The following TRPM2 variants were observed in gnomAD, a reference collection of about 807,000 sequenced individuals.
TRPM2 encodes estrogen-responsive element-associated gene 1 protein.
A neutral mutation model predicts 174.0 loss-of-function variants in TRPM2; 161 were observed. That is an observed-to-expected ratio of 0.93 (90% CI 0.81 to 1.05). The LOEUF is 1.05. Among genes scored for constraint, TRPM2 ranks in the 50% least tolerant of loss-of-function variants. The pLI is 0.00. For synonymous variants in TRPM2, 954 were observed against 861.3 expected (o/e 1.11, Z -1.88); for missense variants, 2,057 against 2,038.0 (o/e 1.01, Z -0.18).
chr21:44,432,853 T>C lies in TRPM2; in HGVS notation c.3975-2278T>C, dbSNP rs1399895084. Among the ~76,000 whole-genome samples the C allele has an allele frequency of 6.6e-6, 1 of 152,244 alleles. No individual in the cohort carries two copies. The highest frequency in any genetic ancestry group is 1.9e-4 in the East Asian group (1 of 5,204). On this transcript the variant is annotated intron_variant, in intron 27 of 31. Coordinates refer to ENST00000397928, the MANE Select transcript of TRPM2 (RefSeq NM_003307.4). The surrounding 1 kb of genome is among the most constrained non-coding windows in gnomAD (Gnocchi z 4.9). ...GAACGTGTGATTGCTGTAGCCAGAC[T>C]GTCGCTGTTTTTGCGCTTTGGGGTT...
Position 44,401,750 on chromosome 21 carries a change from G to A in TRPM2, c.2391G>A (p.Val797=). ...RARAFFTAPV[V]VFHLNILSYF... ...GTGCCTTCTTCACCGCACCCGTGGT[G>A]GTCTTCCACCTGAACATCCTCTCCT... Residue 797 remains valine, a synonymous_variant, in exon 16 of 32, where the codon GTG becomes GTA. Transcript: ENST00000397928. 6.2e-7 allele frequency: 1 copy of A among 1,613,620 alleles called. No homozygotes were observed. Among genetic ancestry groups the A allele is most frequent in the Non-Finnish European group, 8.5e-7 (1 of 1,179,994 alleles).
At chr21:44,364,977 C>G (rs1303983634) in intron 3 of TRPM2, among the ~76,000 whole-genome samples, 2 of 152,172 alleles carry the variant, frequency 1.3e-5, no homozygotes, top group African/African-American at 2.4e-5. Context: ...TGTTGACCAG[C>G]CTTCTGGAGG....
At position 44,439,910 on chromosome 21, in the gene TRPM2, A is replaced by C. The variant is rs1484755177; in HGVS notation, c.4269+742A>C. On this transcript the variant is annotated intron_variant, in intron 30 of 31. Coordinates refer to ENST00000397928, the MANE Select transcript of TRPM2 (RefSeq NM_003307.4). The surrounding 1 kb of genome is among the most constrained non-coding windows in gnomAD (Gnocchi z 5.1). ...CTAATATTTTGTATTTTTAGTAGAGACAGGGTTTGGCCATGTTGCCCAGGC... is the reference window on the plus strand; with the variant it reads ...CTAATATTTTGTATTTTTAGTAGAGCCAGGGTTTGGCCATGTTGCCCAGGC... Among the ~76,000 whole-genome samples the C allele has an allele frequency of 6.6e-6, 1 of 151,948 alleles. No individual in the cohort carries two copies. The highest frequency in any genetic ancestry group is 1.5e-5 in the Non-Finnish European group (1 of 67,964).
Position 44,432,868 on chromosome 21 carries a change from G to T in TRPM2, c.3975-2263G>T, listed in dbSNP as rs75042726. Reference sequence around the variant, plus strand: ...GTAGCCAGACTGTCGCTGTTTTTGCGCTTTGGGGTTGTGTGCGTAGGTTTA... The same window carrying T: ...GTAGCCAGACTGTCGCTGTTTTTGCTCTTTGGGGTTGTGTGCGTAGGTTTA... On this transcript the variant is annotated intron_variant, in intron 27 of 31. Transcript: ENST00000397928. The surrounding 1 kb of genome is among the most constrained non-coding windows in gnomAD (Gnocchi z 4.9). 6.6e-6 allele frequency among the ~76,000 whole-genome samples: 1 copy of T among 152,206 alleles called. No homozygotes were observed. The highest frequency in any genetic ancestry group is 1.5e-5 in the Non-Finnish European group (1 of 68,036).
chr21:44,424,165 A>G (rs1285567932), intron 23 of TRPM2, among the ~76,000 whole-genome samples: 2 of 152,172 alleles, frequency 1.3e-5, no homozygotes, highest in Admixed American at 6.5e-5. Context: ...GTCCAACAAC[A>G]GCACCTGCGG....
At chr21:44,398,697 C>G (rs541102391) in intron 13 of TRPM2, among the ~76,000 whole-genome samples, 2 of 152,216 alleles carry the variant, frequency 1.3e-5, no homozygotes, top group African/African-American at 4.8e-5. Context: ...CTGGTTGCAC[C>G]AGATCTCCAG....
intron 5 of TRPM2, among the ~76,000 whole-genome samples, chr21:44,375,547 T>C (rs1238447983): frequency 6.6e-6 from 1 of 152,204 alleles, no homozygotes; most frequent in African/African-American, 2.4e-5. Flanking sequence ...CTTGTGGCTA[T>C]GTCACTTGCC....
At chr21:44,429,165 C>T (rs929745470) in intron 27 of TRPM2, among the ~76,000 whole-genome samples, 1 of 151,734 alleles carries the variant, frequency 6.6e-6, no homozygotes, top group Non-Finnish European at 1.5e-5. Flanking sequence ...TTTGTCCTTC[C>T]CTAAAGTTTT....
upstream of TRPM2, among the ~76,000 whole-genome samples, chr21:44,350,785 G>A (rs1303074753): frequency 1.3e-5 from 2 of 152,224 alleles, no homozygotes; most frequent in Middle Eastern, 3.4e-3. Context: ...ACTGGGAGCC[G>A]GGTGCGGTCT....
chr21:44,380,636 G>T (rs1427284303), intron 8 of TRPM2, among the ~76,000 whole-genome samples: 3 of 152,216 alleles, frequency 2.0e-5, no homozygotes, highest in Admixed American at 1.3e-4. Flanking sequence ...TGCAGCCAGG[G>T]TCAGTGCGCT....
Position 44,366,180 on chromosome 21 carries a change from G to A in TRPM2, c.424-574G>A, listed in dbSNP as rs1405601094. ...ACCTGGGAGAGCCGTGTTCAGACGG[G>A]AGGCAGAGGAAGCTGGGCCCACTGA... is the stretch of plus-strand genomic sequence containing the variant. On this transcript the variant is annotated intron_variant, in intron 3 of 31. Coordinates refer to ENST00000397928, the MANE Select transcript of TRPM2 (RefSeq NM_003307.4). The surrounding 1 kb of genome is among the most constrained non-coding windows in gnomAD (Gnocchi z 6.0). 3.3e-5 allele frequency among the ~76,000 whole-genome samples: 5 copies of A among 152,106 alleles called. No individual in the cohort carries two copies.
chr21:44,406,585 G>C lies in TRPM2; in HGVS notation c.2791-9G>C, dbSNP rs761049052. ...GGAGAGTGTAGCCCACACACTCTCT[G>C]TCCTGCAGATGAAGGACGTCTTCTT... On this transcript the variant is annotated splice_polypyrimidine_tract_variant and intron_variant, in intron 18 of 31. Transcript: ENST00000397928. 31 of 1,606,162 alleles carry C rather than the reference G, an allele frequency of 1.9e-5. No individual in the cohort carries two copies. The highest frequency in any genetic ancestry group is 2.0e-5 in the Non-Finnish European group (24 of 1,178,870).
Position 44,376,110 on chromosome 21 carries a change from C to G in TRPM2, c.952+97C>G, listed in dbSNP as rs2048692012. 2.1e-6 allele frequency: 3 copies of G among 1,444,462 alleles called. No homozygotes were observed. The highest frequency in any genetic ancestry group is 2.8e-6 in the Non-Finnish European group (3 of 1,066,664). 89.5% of individuals were successfully genotyped at this position (1,444,462 alleles called of 1,614,324 possible). A position where few individuals can be genotyped will look rare whatever the true frequency, so the allele number is the denominator to read the frequency against. On this transcript the variant is annotated intron_variant, in intron 6 of 31. Coordinates refer to ENST00000397928, the MANE Select transcript of TRPM2 (RefSeq NM_003307.4). The surrounding 1 kb of genome is among the most constrained non-coding windows in gnomAD (Gnocchi z 4.2). ...GGTCACGACCAGGACGTTCAACAGG[C>G]CTGGCGTTTGGCAGAGAGTGCAGTG...
At chr21:44,435,704 T>TCCC in intron 28 of TRPM2, among the ~76,000 whole-genome samples, 1 of 111,490 alleles carries the variant, frequency 9.0e-6, no homozygotes. Flanking sequence ...AGACTCACTT[T>TCCC]CCACACCCAT....
intron 4 of TRPM2, among the ~76,000 whole-genome samples, chr21:44,368,193 C>T (rs137995404): frequency 8.9e-4 from 135 of 151,970 alleles, no homozygotes; most frequent in Non-Finnish European, 1.4e-3. Flanking sequence ...GATCTCAGCT[C>T]ATTGCAGCCT....
chr21:44,381,542 A>T (rs1258017195), intron 8 of TRPM2, among the ~76,000 whole-genome samples: 1 of 150,174 alleles, frequency 6.7e-6, no homozygotes, highest in African/African-American at 2.5e-5. Context: ...GGATGGAGGG[A>T]TAGGTGGGTA....
At chr21:44,418,167 G>A in intron 21 of TRPM2, 59 bp downstream of exon 21, 1 of 1,559,900 alleles carries the variant, frequency 6.4e-7, no homozygotes, top group East Asian at 2.3e-5. Flanking sequence ...AGAGGGGGTG[G>A]AGATGGCATG....
rs1256494046 is a variant in TRPM2 at position 44,366,823 on chromosome 21, G to A, written c.493G>A (p.Asp165Asn). 2 of 1,613,818 alleles carry A rather than the reference G, an allele frequency of 1.2e-6. No individual in the cohort carries two copies. The highest frequency in any genetic ancestry group is 1.7e-6 in the Non-Finnish European group (2 of 1,179,966). ...CCTCATGACCCAGCACTGGGGGCTGGACGTCCCCAATCTCTTGATCTCGGT... is the reference window on the plus strand; with the variant it reads ...CCTCATGACCCAGCACTGGGGGCTGAACGTCCCCAATCTCTTGATCTCGGT... ...YHLMTQHWGL[D>N]VPNLLISVTG... Residue 165 changes from aspartate to asparagine, a missense_variant, in exon 4 of 32, where the codon GAC (aspartate) becomes AAC (asparagine). Physicochemically the swap from Asp to Asn is conservative, Grantham distance 23 (BLOSUM62 1). Transcript: ENST00000397928. The surrounding 1 kb of genome is among the most constrained non-coding windows in gnomAD (Gnocchi z 6.0).
chr21:44,424,927 G>A lies in TRPM2; in HGVS notation c.3625G>A (p.Val1209Ile), dbSNP rs755880005. 18 of 1,604,530 alleles carry A rather than the reference G, an allele frequency of 1.1e-5. No individual in the cohort carries two copies. The highest frequency in any genetic ancestry group is 3.4e-5 in the Admixed American group (2 of 59,212). The part of the protein sequence containing the change: ...RASGFSSEAD[V>I]PTLASQKAAE... ...CAGCGGCTTCAGCTCGGAGGCGGAC[G>A]TCCCCACTCTGGGTGAGTGGGTGGC... Residue 1209 changes from valine (V) to isoleucine (I), a missense_variant, in exon 24 of 32, where the codon GTC (valine) becomes ATC (isoleucine). By Grantham distance (29) the Val-to-Ile change is conservative (BLOSUM62 3). Transcript: ENST00000397928.
Sources: allele counts gnomAD v4.1 joint callset (sites outside exome capture counted in the v4.1 genomes callset), GRCh38; gene constraint gnomAD v4.1.1; non-coding constraint Gnocchi (gnomAD v3.1); transcripts MANE v1.5; gene names NCBI Gene and HGNC (gene_info 2026-07-23, HGNC 2026-07-21).